Variants in HAO1 observed in about 807,000 individuals in gnomAD.
The protein encoded by HAO1 is hydroxyacid oxidase 1.
A neutral mutation model predicts 39.7 loss-of-function variants in HAO1; 34 were observed. The observed-to-expected ratio is 0.86, with a 90% CI of 0.65 to 1.14. HAO1 has a LOEUF of 1.14. Ranked by LOEUF, HAO1 falls within the 50% of genes most tolerant of loss-of-function variation. HAO1 has a pLI of 0.00. For synonymous variants in HAO1, 172 were observed against 173.2 expected (o/e 0.99, Z 0.05); for missense variants, 479 against 464.5 (o/e 1.03, Z -0.29).
At chr20:7,902,746 C>G (rs752804094) in intron 4 of HAO1, among the ~76,000 whole-genome samples, 1 of 152,068 alleles carries the variant, frequency 6.6e-6, no homozygotes, top group Non-Finnish European at 1.5e-5. Flanking sequence ...AGGCACCATG[C>G]CTTTGCTGAA....
Position 7,914,089 on chromosome 20 carries a change from A to G in HAO1, c.545+75T>C, listed in dbSNP as rs974571154. On this transcript the variant is annotated intron_variant, in intron 3 of 7. Transcript: ENST00000378789. The stretch of plus-strand genomic sequence containing the variant: ...CTAGATGTTTAGCAACGTTGCTATC[A>G]GTAGAACCCAGACCCTAACATTCCC... 34 of 1,509,396 alleles carry G rather than the reference A, an allele frequency of 2.3e-5. No homozygotes were observed. In the Admixed American group the frequency reaches 2.4e-4, roughly 11 times the overall value. 93.5% of individuals were successfully genotyped at this position (1,509,396 alleles called of 1,614,324 possible). A position where few individuals can be genotyped will look rare whatever the true frequency, so the allele number is the denominator to read the frequency against.
intron 4 of HAO1, among the ~76,000 whole-genome samples, chr20:7,902,124 A>G (rs1248776832): frequency 6.6e-6 from 1 of 152,234 alleles, no homozygotes; most frequent in Non-Finnish European, 1.5e-5. Flanking sequence ...TGAAATAACA[A>G]CAAAGGATTT....
In HAO1 at chr20:7,885,811, G is replaced by A. The variant is rs558280842; in HGVS notation, c.867C>T (p.Phe289=). 9.3e-6 allele frequency: 15 copies of A among 1,613,558 alleles called. No homozygotes were observed. The East Asian group carries it at 1.1e-4, about 12-fold the overall frequency. The change falls in exon 6 of 8, where the codon TTC becomes TTT. Residue 289 remains phenylalanine (F), a synonymous_variant. Coordinates refer to ENST00000378789, the MANE Select transcript of HAO1 (RefSeq NM_017545.3). ...TGCCTTTCCGCACACCCCCGTCCAG[G>A]AAGACTTCCACCTTCCCTTCCACAG... ...VEAVEGKVEV[F]LDGGVRKGTD... is the part of the protein sequence containing the mutation.
chr20:7,885,752 T>C lies in HAO1; in HGVS notation c.926A>G (p.Lys309Arg). The C allele has an allele frequency of 6.2e-7, 1 of 1,613,800 alleles. No homozygotes were observed. The highest frequency in any genetic ancestry group is 8.5e-7 in the Non-Finnish European group (1 of 1,179,746). Residue 309 changes from lysine to arginine, a missense_variant, in exon 6 of 8, where the codon AAG becomes AGG. Transcript: ENST00000378789. Reference sequence around the variant, plus strand: ...GATTGGTCTCCCCACAAACACAGCCTTGGCGCCAAGAGCCAGAGCTTTCAG... The same window carrying C: ...GATTGGTCTCCCCACAAACACAGCCCTGGCGCCAAGAGCCAGAGCTTTCAG... ...DVLKALALGA[K>R]AVFVGRPIVW...
chr20:7,909,077 G>A (rs1568514438), intron 3 of HAO1, among the ~76,000 whole-genome samples: 1 of 151,898 alleles, frequency 6.6e-6, no homozygotes, highest in East Asian at 1.9e-4. Context: ...CAGCAGGGGT[G>A]GGGTGAAAGG....
At chr20:7,907,844 C>G (rs1203550004) in intron 3 of HAO1, among the ~76,000 whole-genome samples, 1 of 152,170 alleles carries the variant, frequency 6.6e-6, no homozygotes, top group African/African-American at 2.4e-5. Flanking sequence ...ACAATAGAAT[C>G]ATTCCTGTGA....
chr20:7,929,527 A>T (rs181837895), intron 2 of HAO1, among the ~76,000 whole-genome samples: 260 of 152,280 alleles, frequency 1.7e-3, no homozygotes, highest in Non-Finnish European at 3.2e-3. Context: ...AAATGAAAAA[A>T]GTATAGCTTC....
intron 2 of HAO1, among the ~76,000 whole-genome samples, chr20:7,931,006 G>T (rs2050383253): frequency 6.6e-6 from 1 of 152,148 alleles, no homozygotes; most frequent in Non-Finnish European, 1.5e-5. Flanking sequence ...TCAGCTTTCT[G>T]GATACACCTA....
At chr20:7,907,927 T>C (rs1005161675) in intron 3 of HAO1, among the ~76,000 whole-genome samples, 1 of 152,198 alleles carries the variant, frequency 6.6e-6, no homozygotes, top group African/African-American at 2.4e-5. Flanking sequence ...TGACAGTGAC[T>C]GGACTCACCT....
At chr20:7,923,118 A>G (rs2050342495) in intron 2 of HAO1, among the ~76,000 whole-genome samples, 1 of 152,136 alleles carries the variant, frequency 6.6e-6, no homozygotes, top group Admixed American at 6.6e-5. Context: ...AATTTCCTAT[A>G]CTATGGAACC....
rs2050147323 is a variant in HAO1 at position 7,885,603 on chromosome 20, A to C, written c.973-13T>G. ...CACCTTTCTCCCCCTAACCAAGTGA[A>C]AAGATACAGAGTGATTCAGAACTAA... is the stretch of plus-strand genomic sequence containing the variant. On this transcript the variant is annotated splice_polypyrimidine_tract_variant and intron_variant, in intron 6 of 7. Transcript: ENST00000378789. 6.3e-7 allele frequency: 1 copy of C among 1,597,186 alleles called. No homozygotes were observed. Among genetic ancestry groups the C allele is most frequent in the Non-Finnish European group, 8.6e-7 (1 of 1,165,238 alleles).
intron 3 of HAO1, among the ~76,000 whole-genome samples, chr20:7,911,826 G>C (rs1353089902): frequency 1.3e-5 from 2 of 152,244 alleles, no homozygotes; most frequent in Non-Finnish European, 2.9e-5. Flanking sequence ...CACTTTCTAT[G>C]AGTCAGGTCA....
At chr20:7,898,060 C>A (rs1307330511) in intron 4 of HAO1, among the ~76,000 whole-genome samples, 2 of 152,112 alleles carry the variant, frequency 1.3e-5, no homozygotes, top group Non-Finnish European at 2.9e-5. Flanking sequence ...TTCATCCCAG[C>A]CATTCATTAA....
At chr20:7,940,209 G>C (rs765657932) in intron 1 of HAO1, 77 bp downstream of exon 1, 7 of 1,222,546 alleles carry the variant, frequency 5.7e-6, no homozygotes, top group Non-Finnish European at 7.9e-6. Flanking sequence ...CACCACCAAC[G>C]TAAAACTAGG....
chr20:7,911,079 A>G (rs2050277349), intron 3 of HAO1, among the ~76,000 whole-genome samples: 1 of 152,236 alleles, frequency 6.6e-6, no homozygotes, highest in African/African-American at 2.4e-5. Context: ...GGGTTCCAGC[A>G]TGCCTGGCAT....
chr20:7,936,016 G>A (rs2050408457), intron 1 of HAO1, among the ~76,000 whole-genome samples: 2 of 151,962 alleles, frequency 1.3e-5, no homozygotes, highest in Admixed American at 6.5e-5. Flanking sequence ...GAAAAAAAAA[G>A]AAGAAAAAGA....
At chr20:7,916,081 T>C (rs2050305783) in intron 2 of HAO1, among the ~76,000 whole-genome samples, 1 of 151,984 alleles carries the variant, frequency 6.6e-6, no homozygotes, top group African/African-American at 2.4e-5. Context: ...AACGGGCAAA[T>C]AAATGGAAAA....
rs1273832547 is a variant in HAO1, at chr20:7,883,635, C to T, written c.1071G>A (p.Lys357=). Residue 357 remains lysine (K), a synonymous_variant, in exon 8 of 8, where the codon AAG becomes AAA. Transcript: ENST00000378789. The part of the protein sequence containing the change: ...SGCQNVKVID[K]TLVRKNPLAV... ...CCAAAGGATTTTTCCTCACCAATGT[C>T]TTGTCGATGACTTTCACATTCTGGC... is the stretch of plus-strand genomic sequence containing the variant. 21 of 1,612,910 alleles carry T rather than the reference C, an allele frequency of 1.3e-5. No individual in the cohort carries two copies. The highest frequency in any genetic ancestry group is 1.7e-5 in the Non-Finnish European group (20 of 1,178,968).
chr20:7,903,858 C>CGGTGGTGGTGGTGGT (rs10585629), intron 4 of HAO1, among the ~76,000 whole-genome samples: 111 of 57,616 alleles, frequency 1.9e-3, no homozygotes, highest in Non-Finnish European at 3.6e-3. Context: ...ATTGTGGTAG[C>CGGTGGTGGTGGTGGT]GGTGGTGGTG....
Sources: allele counts gnomAD v4.1 joint callset (sites outside exome capture counted in the v4.1 genomes callset), GRCh38; gene constraint gnomAD v4.1.1; transcripts MANE v1.5; gene names NCBI Gene and HGNC (gene_info 2026-07-23, HGNC 2026-07-21).